WDR88: variants seen among roughly 807,000 people sequenced by gnomAD.
WDR88 encodes the protein WD repeat-containing protein 88.
WDR88 carries 40 observed loss-of-function variants against 46.8 expected under a neutral mutation model. The ratio of observed to expected loss-of-function variants is 0.86; its 90% confidence interval spans 0.66 to 1.11. WDR88 has a LOEUF of 1.11. Among genes scored for constraint, WDR88 ranks in the 50% most tolerant of loss-of-function variants. The pLI is 0.00. For missense variants in WDR88, 562 were observed against 602.4 expected, an observed-to-expected ratio of 0.93 and a Z score of 0.70; for synonymous variants, 235 against 240.7, an observed-to-expected ratio of 0.98 and a Z score of 0.22.
intron 6 of WDR88, among the ~76,000 whole-genome samples, chr19:33,151,980 C>A (rs1256778737): frequency 3.3e-5 from 5 of 151,752 alleles, no homozygotes; most frequent in Non-Finnish European, 4.4e-5. Context: ...GCCTGTAATC[C>A]CAGCACTTTG....
intron 10 of WDR88, chr19:33,174,136 G>A: frequency 6.5e-7 from 1 of 1,534,748 alleles, no homozygotes; most frequent in East Asian, 2.4e-5. Flanking sequence ...ACAGGCGCAA[G>A]CTATCCGCAC....
intron 9 of WDR88, among the ~76,000 whole-genome samples, chr19:33,164,865 TTTA>T (rs1299419642): frequency 6.6e-6 from 1 of 152,022 alleles, no homozygotes; most frequent in Non-Finnish European, 1.5e-5. Context: ...TATTGTGCAC[TTTA>T]TTATTATTAC....
Position 33,144,906 on chromosome 19 carries a change from G to A in WDR88, c.450G>A (p.Glu150=). 1 of 1,613,720 alleles carries A rather than the reference G, an allele frequency of 6.2e-7. No homozygotes were observed. Among genetic ancestry groups the A allele is most frequent in the Non-Finnish European group, 8.5e-7 (1 of 1,179,914 alleles). ...FEHRPKAPVV[E]CSITGDSSRV... is the part of the protein sequence containing the mutation. ...ACAGGCCCAAAGCTCCTGTTGTAGAGTGCAGCATCACCGGCGACAGCAGCA... is the reference window on the plus strand; with the variant it reads ...ACAGGCCCAAAGCTCCTGTTGTAGAATGCAGCATCACCGGCGACAGCAGCA... Residue 150 remains glutamate, a synonymous_variant, in exon 3 of 11, where the codon GAG becomes GAA. Coordinates refer to ENST00000355868, the MANE Select transcript of WDR88 (RefSeq NM_173479.4).
intron 2 of WDR88, among the ~76,000 whole-genome samples, chr19:33,141,005 C>T (rs1305736826): frequency 2.7e-5 from 4 of 145,576 alleles, no homozygotes; most frequent in Non-Finnish European, 6.0e-5. Context: ...GGCAAGAACA[C>T]AGCTCACTGC....
At chr19:33,149,690 G>T (rs1260661560) in intron 5 of WDR88, among the ~76,000 whole-genome samples, 1 of 150,616 alleles carries the variant, frequency 6.6e-6, no homozygotes, top group Non-Finnish European at 1.5e-5. Context: ...ATGGAGTCTT[G>T]CTCTGTCTCC....
chr19:33,135,480 G>C (rs745652465), intron 1 of WDR88, among the ~76,000 whole-genome samples: 3 of 151,264 alleles, frequency 2.0e-5, no homozygotes, highest in Non-Finnish European at 4.4e-5. Context: ...GTGCAGTGGC[G>C]TGATCTTGGC....
intron 2 of WDR88, among the ~76,000 whole-genome samples, chr19:33,141,971 G>T (rs1456650377): frequency 6.6e-6 from 1 of 152,084 alleles, no homozygotes; most frequent in African/African-American, 2.4e-5. Flanking sequence ...ATGAGCCACT[G>T]CACCTAGAGG....
intron 7 of WDR88, among the ~76,000 whole-genome samples, chr19:33,159,335 A>T (rs1326387053): frequency 1.4e-5 from 2 of 142,686 alleles, no homozygotes; most frequent in Non-Finnish European, 3.0e-5. Flanking sequence ...CTTATCTCTA[A>T]AAATAAATAA....
chr19:33,151,269 C>A lies in WDR88; in HGVS notation c.768C>A (p.Ile256=). ...ASVSLDRCIK[I]WDVTSQATLL... is the part of the protein sequence containing the mutation. The stretch of plus-strand genomic sequence containing the variant: ...TCTCATTGGACAGGTGCATCAAGAT[C>A]TGGGATGTTACATCCCAGGCCACGC... Residue 256 remains isoleucine (I), a synonymous_variant, in exon 6 of 11, where the codon ATC becomes ATA. Transcript: ENST00000355868. The A allele has an allele frequency of 6.2e-7, 1 of 1,613,716 alleles. No homozygotes were observed.
chr19:33,147,060 A>G (rs1342278986), intron 3 of WDR88, among the ~76,000 whole-genome samples: 1 of 139,772 alleles, frequency 7.2e-6, no homozygotes, highest in Non-Finnish European at 1.6e-5. Context: ...GTCTCTAAGG[A>G]AAAAAAAAAA....
rs1439053645 is a variant in WDR88, at chr19:33,135,445, G to T, written c.277-2232G>T. ...ACATTTTCTCTTTCTTTGAGATGGA[G>T]TCTCGCTCTGTTGCCCAGGCTGGAG... is the stretch of plus-strand genomic sequence containing the variant. On this transcript the variant is annotated intron_variant, in intron 1 of 10. Transcript: ENST00000355868. Among the ~76,000 whole-genome samples the T allele has an allele frequency of 3.3e-5, 5 of 152,262 alleles. No individual in the cohort carries two copies. In the East Asian group the frequency reaches 9.7e-4, roughly 29 times the overall value.
intron 9 of WDR88, among the ~76,000 whole-genome samples, chr19:33,166,556 C>T (rs1447670723): frequency 6.6e-6 from 1 of 151,858 alleles, no homozygotes; most frequent in Admixed American, 6.6e-5. Flanking sequence ...GTGATCATGC[C>T]ATTATACTCC....
Position 33,174,892 on chromosome 19 carries a change from G to A in WDR88, c.1243-504G>A, listed in dbSNP as rs374579563. 5 of 985,380 alleles carry A rather than the reference G, an allele frequency of 5.1e-6. No homozygotes were observed. In the African/African-American group the frequency reaches 7.0e-5, roughly 14 times the overall value. 61.0% of individuals were successfully genotyped at this position (985,380 alleles called of 1,614,324 possible). A position where few individuals can be genotyped will look rare whatever the true frequency, so the allele number is the denominator to read the frequency against. On this transcript the variant is annotated intron_variant, in intron 10 of 10. Transcript: ENST00000355868. Reference sequence around the variant, plus strand: ...GACCTGCTTAGCCATTGGTGGGGAAGCAGCCTGTGCTCATTCTCTCTGCAA... The same window carrying A: ...GACCTGCTTAGCCATTGGTGGGGAAACAGCCTGTGCTCATTCTCTCTGCAA...
intron 6 of WDR88, among the ~76,000 whole-genome samples, chr19:33,154,928 G>A (rs1973705779): frequency 6.6e-6 from 1 of 152,132 alleles, no homozygotes; most frequent in Non-Finnish European, 1.5e-5. Context: ...ACTCTGATCT[G>A]AGCTCTAGAA....
chr19:33,135,415 A>G (rs1400418010), intron 1 of WDR88, among the ~76,000 whole-genome samples: 2 of 152,110 alleles, frequency 1.3e-5, no homozygotes, highest in African/African-American at 4.8e-5. Flanking sequence ...TTGCATGGCC[A>G]TGACACATTT....
Position 33,148,006 on chromosome 19 carries a change from C to G in WDR88, c.540+298C>G, listed in dbSNP as rs148018621. The stretch of plus-strand genomic sequence containing the variant: ...TGGGTTTGGATACACAGAAAGAAGC[C>G]AGAATTGGGGGTGGGGTGTGGGGGC... On this transcript the variant is annotated intron_variant, in intron 4 of 10. Coordinates refer to ENST00000355868, the MANE Select transcript of WDR88 (RefSeq NM_173479.4). Among the ~76,000 whole-genome samples, 61 of 151,672 alleles carry G rather than the reference C, an allele frequency of 4.0e-4. 1 individual carries two copies. In the East Asian group the frequency reaches 0.012, roughly 29 times the overall value.
intron 9 of WDR88, among the ~76,000 whole-genome samples, chr19:33,171,353 A>C (rs1974035990): frequency 6.6e-6 from 1 of 152,184 alleles, no homozygotes; most frequent in African/African-American, 2.4e-5. Flanking sequence ...TGATTTGACA[A>C]ACCACTTGCT....
chr19:33,158,692 G>T lies in WDR88; in HGVS notation c.998-1722G>T, dbSNP rs542901303. 2.8e-5 allele frequency among the ~76,000 whole-genome samples: 4 copies of T among 141,274 alleles called. No individual in the cohort carries two copies. In the Admixed American group the frequency reaches 2.8e-4, roughly 10 times the overall value. 92.7% of individuals were successfully genotyped at this position (141,274 alleles called of 152,430 possible). ...ATGTCCTTTTTGTGGTCTATTTAGTGCCACCATTTTTTTTTGTTGTTGTTT... is the reference window on the plus strand; with the variant it reads ...ATGTCCTTTTTGTGGTCTATTTAGTTCCACCATTTTTTTTTGTTGTTGTTT... On this transcript the variant is annotated intron_variant, in intron 7 of 10. Transcript: ENST00000355868.
chr19:33,137,907 T>C lies in WDR88; in HGVS notation c.387+120T>C, dbSNP rs1973308231. Reference sequence around the variant, plus strand: ...ACTTGTGGGTCCTGGTTTGCAGGTCTTCTGAGCAAAGTGCCAGAAGGAGGA... The same window carrying C: ...ACTTGTGGGTCCTGGTTTGCAGGTCCTCTGAGCAAAGTGCCAGAAGGAGGA... On this transcript the variant is annotated intron_variant, in intron 2 of 10. Coordinates refer to ENST00000355868, the MANE Select transcript of WDR88 (RefSeq NM_173479.4). 3.8e-6 allele frequency: 3 copies of C among 786,556 alleles called. No homozygotes were observed. In the East Asian group the frequency reaches 8.4e-5, roughly 22 times the overall value. 48.7% of individuals were successfully genotyped at this position (786,556 alleles called of 1,614,324 possible). A position where few individuals can be genotyped will look rare whatever the true frequency, so the allele number is the denominator to read the frequency against.
Sources: gnomAD v4.1 joint callset for allele counts (sites outside exome capture counted in the v4.1 genomes callset) on GRCh38, gnomAD v4.1.1 for gene constraint, MANE v1.5 for transcripts, NCBI Gene and HGNC (gene_info 2026-07-23, HGNC 2026-07-21) for gene names.